Variants in TMEM17 observed in about 807,000 individuals in gnomAD.
TMEM17 encodes transmembrane protein 17.
TMEM17 carries 15 observed loss-of-function variants against 19.1 expected under a neutral mutation model. The observed-to-expected ratio is 0.78, with a 90% confidence interval of 0.52 to 1.21. The LOEUF is 1.21. Among genes scored for constraint, TMEM17 ranks in the 50% most tolerant of loss-of-function variants. The pLI, the probability that TMEM17 is intolerant of heterozygous loss-of-function variation, is 0.00. For missense variants in TMEM17, 245 were observed against 242.3 expected (o/e 1.01, Z -0.07); for synonymous variants, 103 against 86.9 (o/e 1.19, Z -1.03).
At chr2:62,490,000 C>A in the TMEM17 span, among the ~76,000 whole-genome samples, 3 of 151,982 alleles carry the variant, frequency 2.0e-5, no homozygotes, top group Non-Finnish European at 4.4e-5. Context: ...CACAGTGAAA[C>A]CCTGTCTCTA....
chr2:62,494,775 G>A, the TMEM17 span, among the ~76,000 whole-genome samples: 16 of 152,044 alleles, frequency 1.1e-4, no homozygotes, highest in Non-Finnish European at 2.1e-4. Flanking sequence ...AGGCCGAGGC[G>A]GGCAGATCAT....
At chr2:62,484,370 G>A in the TMEM17 span, among the ~76,000 whole-genome samples, 1 of 152,150 alleles carries the variant, frequency 6.6e-6, no homozygotes. Context: ...TTCCAGCTAT[G>A]CCACACTCTG....
At chr2:62,461,705 T>G in the TMEM17 span, among the ~76,000 whole-genome samples, 1 of 152,150 alleles carries the variant, frequency 6.6e-6, no homozygotes, top group African/African-American at 2.4e-5. Flanking sequence ...CTGAACCTGA[T>G]CTCAGGTGGG....
chr2:62,463,124 A>T, the TMEM17 span: 1 of 152,264 alleles, frequency 6.6e-6, no homozygotes, highest in South Asian at 2.1e-4. Context: ...TGGGGAATCA[A>T]ATAGGAGCCA....
the TMEM17 span, among the ~76,000 whole-genome samples, chr2:62,459,061 G>T: frequency 1.5e-3 from 222 of 152,258 alleles, 2 homozygotes; most frequent in Middle Eastern, 0.014. Context: ...TAATTTTTGG[G>T]TCATGTGGTT....
At chr2:62,471,328 C>A in the TMEM17 span, among the ~76,000 whole-genome samples, 1 of 152,130 alleles carries the variant, frequency 6.6e-6, no homozygotes, top group Admixed American at 6.5e-5. Flanking sequence ...ATGCTCTTAA[C>A]CTCTCAGAGG....
At chr2:62,455,896 C>T in the TMEM17 span, among the ~76,000 whole-genome samples, 1 of 152,184 alleles carries the variant, frequency 6.6e-6, no homozygotes, top group African/African-American at 2.4e-5. Flanking sequence ...TTATAGCCAT[C>T]CTAGTGAGTA....
At chr2:62,484,067 C>T in the TMEM17 span, among the ~76,000 whole-genome samples, 1 of 152,200 alleles carries the variant, frequency 6.6e-6, no homozygotes, top group Non-Finnish European at 1.5e-5. Flanking sequence ...AAGCCTAAAG[C>T]CACTCTTCAC....
At chr2:62,465,847 C>T in the TMEM17 span, among the ~76,000 whole-genome samples, 3 of 152,094 alleles carry the variant, frequency 2.0e-5, no homozygotes, top group African/African-American at 7.2e-5. Context: ...GAAAGGTACC[C>T]AGTACGTTTA....
the TMEM17 span, among the ~76,000 whole-genome samples, chr2:62,475,248 T>C: frequency 3.3e-5 from 5 of 152,182 alleles, no homozygotes; most frequent in Admixed American, 3.3e-4. Flanking sequence ...CTAGCACAGA[T>C]GCTAATTTGG....
the TMEM17 span, among the ~76,000 whole-genome samples, chr2:62,464,950 T>A: frequency 2.0e-5 from 3 of 152,244 alleles, no homozygotes; most frequent in Non-Finnish European, 4.4e-5. Flanking sequence ...TCTTGGGTTT[T>A]ACAATAGATA....
chr2:62,454,662 C>G, the TMEM17 span, among the ~76,000 whole-genome samples: 10 of 152,110 alleles, frequency 6.6e-5, no homozygotes, highest in Non-Finnish European at 1.3e-4. Context: ...CTAGATTTGC[C>G]TTTAATAAAA....
chr2:62,466,951 GC>G, the TMEM17 span, among the ~76,000 whole-genome samples: 7 of 152,028 alleles, frequency 4.6e-5, no homozygotes, highest in Admixed American at 4.6e-4. Context: ...TAATTCCATG[GC>G]CCCGAGCCCT....
rs766098169 is a variant in TMEM17 at position 62,501,454 on chromosome 2, G to A, written c.352C>T (p.Leu118Phe). Residue 118 changes from leucine (L) to phenylalanine (F), a missense_variant, in exon 4 of 4, where the codon CTT (leucine) becomes TTT (phenylalanine). By Grantham distance (22) the Leu-to-Phe change is conservative. Coordinates refer to ENST00000335390, the MANE Select transcript of TMEM17 (RefSeq NM_198276.3). ...PELAGFWLLS[L>F]LLQLPLILFL... Reference sequence around the variant, plus strand: ...AGAATTAAAGGTAACTGCAATAGAAGGCTCAAAAGCCAAAAGCCAGCCAAC... The same window carrying A: ...AGAATTAAAGGTAACTGCAATAGAAAGCTCAAAAGCCAAAAGCCAGCCAAC... The A allele has an allele frequency of 3.7e-6, 6 of 1,613,378 alleles. No homozygotes were observed. Among genetic ancestry groups the A allele is most frequent in the Non-Finnish European group, 4.2e-6 (5 of 1,179,730 alleles).
the TMEM17 span, among the ~76,000 whole-genome samples, chr2:62,490,491 G>A: frequency 6.6e-6 from 1 of 152,082 alleles, no homozygotes; most frequent in South Asian, 2.1e-4. Context: ...TCTAACTCCT[G>A]AAGTCAGGAG....
At chr2:62,462,642 G>A in the TMEM17 span, among the ~76,000 whole-genome samples, 9 of 152,100 alleles carry the variant, frequency 5.9e-5, no homozygotes, top group Admixed American at 4.6e-4. Flanking sequence ...AGCTGAAAAG[G>A]CCCCTCGAGG....
At chr2:62,476,880 T>C in the TMEM17 span, among the ~76,000 whole-genome samples, 988 of 152,308 alleles carry the variant, frequency 6.5e-3, 10 homozygotes, top group African/African-American at 0.022. Flanking sequence ...CTGGCATTTA[T>C]TGGGGTTACA....
the TMEM17 span, among the ~76,000 whole-genome samples, chr2:62,467,674 G>C: frequency 6.6e-6 from 1 of 152,130 alleles, no homozygotes; most frequent in Non-Finnish European, 1.5e-5. Context: ...GAAAGTCAGC[G>C]GCTCTGTTTT....
At chr2:62,458,164 G>A in the TMEM17 span, among the ~76,000 whole-genome samples, 1 of 152,176 alleles carries the variant, frequency 6.6e-6, no homozygotes, top group Non-Finnish European at 1.5e-5. Context: ...TCTTGTAAAG[G>A]GCCAAGGTTA....
Sources: gnomAD v4.1 joint callset for allele counts (sites outside exome capture counted in the v4.1 genomes callset) on GRCh38, gnomAD v4.1.1 for gene constraint, MANE v1.5 for transcripts, NCBI Gene and HGNC (gene_info 2026-07-23, HGNC 2026-07-21) for gene names.